Variants in SPAG16 observed in about 807,000 individuals in gnomAD.
SPAG16 encodes the protein sperm-associated antigen 16 protein.
In SPAG16, 86 loss-of-function variants were observed where a neutral mutation model predicts 80.4. The ratio of observed to expected loss-of-function variants is 1.07; its 90% CI spans 0.90 to 1.28. The LOEUF (loss-of-function observed/expected upper bound fraction) is 1.28. Ranked by LOEUF, SPAG16 falls within the 50% of genes most tolerant of loss-of-function variation. SPAG16 has a pLI of 0.00. For synonymous variants in SPAG16, 294 were observed against 265.9 expected (o/e 1.11, Z -1.03); for missense variants, 870 against 765.3 (o/e 1.14, Z -1.61).
At chr2:214,121,822 A>T (rs970035475) in intron 14 of SPAG16, among the ~76,000 whole-genome samples, 5 of 151,864 alleles carry the variant, frequency 3.3e-5, no homozygotes, top group Non-Finnish European at 7.4e-5. Context: ...AATTACCTTC[A>T]GTCTGTATGT....
At chr2:214,205,497 T>G (rs2125731361) in intron 15 of SPAG16, among the ~76,000 whole-genome samples, 1 of 152,292 alleles carries the variant, frequency 6.6e-6, no homozygotes, top group African/African-American at 2.4e-5. Context: ...TTGAATAATT[T>G]TTACTCAAAG....
chr2:214,080,586 C>T lies in SPAG16; in HGVS notation c.1528-27610C>T, dbSNP rs184393159. On this transcript the variant is annotated intron_variant, in intron 13 of 15. Transcript: ENST00000331683. ...TCACGCCTCTGCACTCCAGCCTGGG[C>T]GACAGAGCGAGACTCTGTCTCAAAA... Among the ~76,000 whole-genome samples the T allele has an allele frequency of 1.9e-3, 263 of 138,686 alleles. 3 individuals carry two copies. The highest frequency in any genetic ancestry group is 0.011 in the Admixed American group (142 of 13,196). 91.0% of individuals were successfully genotyped at this position (138,686 alleles called of 152,430 possible).
At chr2:213,782,102 A>G (rs1038879351) in intron 10 of SPAG16, among the ~76,000 whole-genome samples, 1 of 151,948 alleles carries the variant, frequency 6.6e-6, no homozygotes, top group African/African-American at 2.4e-5. Context: ...ATGAAATACT[A>G]TCTCATTTCA....
chr2:213,700,120 A>T (rs994810559), intron 10 of SPAG16, among the ~76,000 whole-genome samples: 5 of 152,200 alleles, frequency 3.3e-5, no homozygotes, highest in African/African-American at 7.2e-5. Flanking sequence ...CATGTAATAC[A>T]TCAATGTCTA....
intron 15 of SPAG16, among the ~76,000 whole-genome samples, chr2:214,289,503 A>G (rs1054051162): frequency 9.9e-5 from 15 of 152,272 alleles, no homozygotes; most frequent in African/African-American, 3.4e-4. Context: ...CTTTACCAGC[A>G]TGTTCTTAAT....
intron 10 of SPAG16, among the ~76,000 whole-genome samples, chr2:213,580,661 G>A (rs936455374): frequency 3.3e-5 from 5 of 152,004 alleles, no homozygotes; most frequent in Non-Finnish European, 5.9e-5. Context: ...TCTCTACTCA[G>A]AAGAATAAAA....
intron 15 of SPAG16, among the ~76,000 whole-genome samples, chr2:214,230,215 T>C (rs41520348): frequency 0.018 from 2,792 of 152,068 alleles, 61 homozygotes; most frequent in East Asian, 0.071. Context: ...TACGTGATTC[T>C]AGATAATATT....
chr2:213,745,299 A>G lies in SPAG16; in HGVS notation c.1071-117186A>G, dbSNP rs561158367. Among the ~76,000 whole-genome samples, 16 of 152,176 alleles carry G rather than the reference A, an allele frequency of 1.1e-4. No homozygotes were observed. The South Asian group carries it at 1.2e-3, about 12-fold the overall frequency. On this transcript the variant is annotated intron_variant, in intron 10 of 15. Coordinates refer to ENST00000331683, the MANE Select transcript of SPAG16 (RefSeq NM_024532.5). Reference sequence around the variant, plus strand: ...TTCTTGTTGCCCAGGCTGGAGCGCAATGGAATGATCTTGGCTCACTGCAAC... The same window carrying G: ...TTCTTGTTGCCCAGGCTGGAGCGCAGTGGAATGATCTTGGCTCACTGCAAC...
intron 10 of SPAG16, among the ~76,000 whole-genome samples, chr2:213,645,730 G>A (rs2125129603): frequency 6.6e-6 from 1 of 152,228 alleles, no homozygotes; most frequent in Non-Finnish European, 1.5e-5. Flanking sequence ...GAGGGGTGAT[G>A]CCAGCTCTCC....
intron 10 of SPAG16, among the ~76,000 whole-genome samples, chr2:213,642,896 A>G (rs1355978539): frequency 2.7e-5 from 4 of 148,440 alleles, no homozygotes; most frequent in Non-Finnish European, 5.9e-5. Flanking sequence ...TCCATGCTGG[A>G]TGCTTTCTGC....
At chr2:213,685,998 A>G (rs2064647719) in intron 10 of SPAG16, among the ~76,000 whole-genome samples, 1 of 152,242 alleles carries the variant, frequency 6.6e-6, no homozygotes, top group South Asian at 2.1e-4. Context: ...AATTTAATAA[A>G]TTTTGACATA....
chr2:213,663,129 G>T (rs2063483746), intron 10 of SPAG16, among the ~76,000 whole-genome samples: 1 of 152,044 alleles, frequency 6.6e-6, no homozygotes, highest in Admixed American at 6.6e-5. Context: ...GTGACTGTAT[G>T]ATCAGATCTG....
At chr2:213,724,172 G>A (rs2125403155) in intron 10 of SPAG16, among the ~76,000 whole-genome samples, 1 of 152,184 alleles carries the variant, frequency 6.6e-6, no homozygotes, top group African/African-American at 2.4e-5. Context: ...ATATTGTCTT[G>A]GGAAAAATAG....
At chr2:214,305,853 G>T (rs1265504142) in intron 15 of SPAG16, among the ~76,000 whole-genome samples, 1 of 151,432 alleles carries the variant, frequency 6.6e-6, no homozygotes, top group East Asian at 1.9e-4. Context: ...TTGTCAATTT[G>T]GGCTCTTTTT....
chr2:213,378,256 G>T (rs756063852), intron 9 of SPAG16, among the ~76,000 whole-genome samples: 1 of 151,994 alleles, frequency 6.6e-6, no homozygotes, highest in African/African-American at 2.4e-5. Context: ...ATCTCCTTTG[G>T]CAACACCTTC....
intron 10 of SPAG16, among the ~76,000 whole-genome samples, chr2:213,623,813 A>C (rs2061866727): frequency 6.6e-6 from 1 of 152,150 alleles, no homozygotes; most frequent in African/African-American, 2.4e-5. Flanking sequence ...ACACCAATGA[A>C]TCCTCCTTTA....
At chr2:213,965,784 C>T (rs909836735) in intron 12 of SPAG16, among the ~76,000 whole-genome samples, 1 of 152,202 alleles carries the variant, frequency 6.6e-6, no homozygotes, top group African/African-American at 2.4e-5. Flanking sequence ...ACAAAGCTCT[C>T]TGTTCTTGGT....
At chr2:214,106,088 G>A (rs1056498524) in intron 13 of SPAG16, among the ~76,000 whole-genome samples, 7 of 151,936 alleles carry the variant, frequency 4.6e-5, no homozygotes, top group South Asian at 2.1e-4. Context: ...ATAGTTTAGC[G>A]ATTCTCAAGT....
chr2:214,057,096 C>A (rs2049982910), intron 13 of SPAG16, among the ~76,000 whole-genome samples: 1 of 152,020 alleles, frequency 6.6e-6, no homozygotes, highest in African/African-American at 2.4e-5. Flanking sequence ...GGAATAAATT[C>A]CTTCCAAACT....
Sources: allele counts gnomAD v4.1 joint callset (sites outside exome capture counted in the v4.1 genomes callset), GRCh38; gene constraint gnomAD v4.1.1; transcripts MANE v1.5; gene names NCBI Gene and HGNC (gene_info 2026-07-23, HGNC 2026-07-21).